The following LRFN5 variants were observed in gnomAD, a reference collection of about 807,000 sequenced individuals.
The protein encoded by LRFN5 is leucine-rich repeat and fibronectin type-III domain-containing protein 5.
A neutral mutation model predicts 45.6 loss-of-function variants in LRFN5; 24 were observed. That is an observed-to-expected ratio of 0.53 (90% CI 0.38 to 0.74). LRFN5 has a LOEUF of 0.74. Among genes scored for constraint, LRFN5 ranks in the 30% least tolerant of loss-of-function variants. The probability of loss-of-function intolerance (pLI) is 0.00; values close to 1 mark genes in which losing one functional copy is unlikely to be tolerated. For missense variants in LRFN5, 776 were observed against 861.5 expected (o/e 0.90, Z 1.24); for synonymous variants, 340 against 313.8 (o/e 1.08, Z -0.88).
At chr14:41,788,758 C>A (rs1317004604) in intron 2 of LRFN5, among the ~76,000 whole-genome samples, 1 of 151,962 alleles carries the variant, frequency 6.6e-6, no homozygotes, top group East Asian at 1.9e-4. Flanking sequence ...TTTGATTTAT[C>A]ACTTTTCCAA....
At chr14:41,874,346 T>C (rs1218711145) in intron 2 of LRFN5, among the ~76,000 whole-genome samples, 1 of 152,202 alleles carries the variant, frequency 6.6e-6, no homozygotes, top group Non-Finnish European at 1.5e-5. Flanking sequence ...TAATCAATGA[T>C]GTAGAACTCA....
chr14:41,863,916 G>A (rs1237648681), intron 2 of LRFN5, among the ~76,000 whole-genome samples: 1 of 150,336 alleles, frequency 6.7e-6, no homozygotes, highest in Non-Finnish European at 1.5e-5. Flanking sequence ...TCCCACTTAT[G>A]AGTGAAAACA....
At chr14:41,741,745 A>G (rs376246954) in intron 1 of LRFN5, among the ~76,000 whole-genome samples, 2 of 151,744 alleles carry the variant, frequency 1.3e-5, no homozygotes, top group South Asian at 2.1e-4. Context: ...AACAATTTAC[A>G]TAGTGGAGAG....
At chr14:41,660,028 T>G (rs1276766061) in intron 1 of LRFN5, among the ~76,000 whole-genome samples, 1 of 152,026 alleles carries the variant, frequency 6.6e-6, no homozygotes, top group African/African-American at 2.4e-5. Context: ...TTTTATTTTA[T>G]TTATTTATTT....
intron 1 of LRFN5, among the ~76,000 whole-genome samples, chr14:41,623,900 T>C (rs1888228504): frequency 6.6e-6 from 1 of 152,100 alleles, no homozygotes; most frequent in Non-Finnish European, 1.5e-5. Flanking sequence ...TATGGTGAAA[T>C]CACAACTCAG....
At chr14:41,806,592 A>G (rs959048787) in intron 2 of LRFN5, among the ~76,000 whole-genome samples, 2 of 152,316 alleles carry the variant, frequency 1.3e-5, no homozygotes, top group Admixed American at 1.3e-4. Context: ...GGCCAAAGCC[A>G]CATCCTTTAT....
Position 41,886,827 on chromosome 14 carries a change from A to C in LRFN5, c.202A>C (p.Arg68=). The change falls in exon 3 of 6, where the codon AGG becomes CGG. Residue 68 remains arginine, a synonymous_variant. Transcript: ENST00000298119. The part of the protein sequence containing the change: ...LADNFVTNIK[R]KDFANMTSLV... ...AGACAATTTTGTTACAAATATTAAA[A>C]GGAAAGATTTTGCCAATATGACCAG... 1 of 1,614,086 alleles carries C rather than the reference A, an allele frequency of 6.2e-7. No homozygotes were observed. The highest frequency in any genetic ancestry group is 8.5e-7 in the Non-Finnish European group (1 of 1,180,002).
At chr14:41,805,716 C>T (rs1376754514) in intron 2 of LRFN5, among the ~76,000 whole-genome samples, 2 of 151,828 alleles carry the variant, frequency 1.3e-5, no homozygotes, top group Non-Finnish European at 2.9e-5. Context: ...AGTAAACTAT[C>T]GCAAGAACAA....
intron 1 of LRFN5, among the ~76,000 whole-genome samples, chr14:41,735,829 C>G (rs1303200592): frequency 6.6e-6 from 1 of 151,944 alleles, no homozygotes; most frequent in Non-Finnish European, 1.5e-5. Flanking sequence ...TTGTTCAATT[C>G]CCACTTATGA....
chr14:41,856,669 A>ATTTTTTTTTTTTTTTTTTTTTTTTT (rs1385323571), intron 2 of LRFN5, among the ~76,000 whole-genome samples: 1 of 10,044 alleles, frequency 1.0e-4, no homozygotes, highest in Non-Finnish European at 2.6e-4. Flanking sequence ...AATTATTATT[A>ATTTTTTTTTTTTTTTTTTTTTTTTT]TTATTATTTT....
chr14:41,754,777 T>C (rs1862151432), intron 1 of LRFN5, among the ~76,000 whole-genome samples: 1 of 152,218 alleles, frequency 6.6e-6, no homozygotes, highest in South Asian at 2.1e-4. Flanking sequence ...AGTTCTGCTC[T>C]GATCTTAGTT....
chr14:41,681,712 C>G (rs916818399), intron 1 of LRFN5, among the ~76,000 whole-genome samples: 1 of 151,836 alleles, frequency 6.6e-6, no homozygotes, highest in African/African-American at 2.4e-5. Context: ...ACAAGACTCA[C>G]TAGTAAAAGT....
chr14:41,656,081 T>G (rs1880365993), intron 1 of LRFN5, among the ~76,000 whole-genome samples: 1 of 151,970 alleles, frequency 6.6e-6, no homozygotes, highest in Non-Finnish European at 1.5e-5. Flanking sequence ...TAAATAAACT[T>G]GAGTAATGTA....
At chr14:41,851,933 A>G (rs984472952) in intron 2 of LRFN5, among the ~76,000 whole-genome samples, 3 of 151,714 alleles carry the variant, frequency 2.0e-5, no homozygotes, top group Non-Finnish European at 4.4e-5. Context: ...AACCATACCT[A>G]ATTTGATGTG....
chr14:41,619,128 G>A (rs930866141), intron 1 of LRFN5, among the ~76,000 whole-genome samples: 1 of 151,914 alleles, frequency 6.6e-6, no homozygotes, highest in African/African-American at 2.4e-5. Context: ...GTTCAGTGTG[G>A]TATTCTGTAA....
At chr14:41,882,883 C>G (rs1182458771) in intron 2 of LRFN5, among the ~76,000 whole-genome samples, 3 of 104,048 alleles carry the variant, frequency 2.9e-5, no homozygotes, top group Non-Finnish European at 5.3e-5. Flanking sequence ...GATTCTCGTT[C>G]TGTCACCCAG....
chr14:41,757,534 G>A (rs573467469), intron 1 of LRFN5, among the ~76,000 whole-genome samples: 3 of 152,308 alleles, frequency 2.0e-5, no homozygotes, highest in Admixed American at 6.5e-5. Context: ...GTGAGGCTCC[G>A]TGGGCGTAGG....
chr14:41,654,622 A>G, intron 1 of LRFN5, among the ~76,000 whole-genome samples: 1 of 152,140 alleles, frequency 6.6e-6, no homozygotes, highest in East Asian at 1.9e-4. Flanking sequence ...GACTAGGAAA[A>G]CTCAATACAT....
intron 1 of LRFN5, 96 bp from the exon 2 acceptor site, chr14:41,766,758 G>A (rs1885897193): frequency 6.6e-6 from 1 of 152,290 alleles, no homozygotes; most frequent in Non-Finnish European, 1.5e-5. Flanking sequence ...GCTGTAGTTT[G>A]AGATTGATCA....
Sources: allele counts gnomAD v4.1 joint callset (sites outside exome capture counted in the v4.1 genomes callset), GRCh38; gene constraint gnomAD v4.1.1; transcripts MANE v1.5; gene names NCBI Gene and HGNC (gene_info 2026-07-23, HGNC 2026-07-21).